Variants in RIPOR3 observed in about 807,000 individuals in gnomAD.
RIPOR3 encodes family with sequence similarity 65 member C.
Under a neutral mutation model 114.3 loss-of-function variants are expected in RIPOR3, and 95 were observed. The ratio of observed to expected loss-of-function variants is 0.83; its 90% CI spans 0.70 to 0.99. The LOEUF is 0.99. RIPOR3 is among the 50% of genes least tolerant of loss of function. The probability of loss-of-function intolerance (pLI) is 0.00; values close to 1 mark genes in which losing one functional copy is unlikely to be tolerated. For missense variants in RIPOR3, 1,252 were observed against 1,266.9 expected, an observed-to-expected ratio of 0.99 and a Z score of 0.18; for synonymous variants, 575 against 543.8, an observed-to-expected ratio of 1.06 and a Z score of -0.80.
chr20:50,660,881 C>G (rs571356835), intron 1 of RIPOR3, among the ~76,000 whole-genome samples: 3 of 151,320 alleles, frequency 2.0e-5, no homozygotes, highest in Admixed American at 6.6e-5. Flanking sequence ...CAGCACCCCC[C>G]ACCTATGCCC....
At position 50,602,387 on chromosome 20, in the gene RIPOR3, C is replaced by T; in HGVS notation, c.1344G>A (p.Glu448=). The T allele has an allele frequency of 6.2e-7, 1 of 1,612,294 alleles. No individual in the cohort carries two copies. Among genetic ancestry groups the T allele is most frequent in the Non-Finnish European group, 8.5e-7 (1 of 1,179,344 alleles). ...PHASIEEEAR[E]DPLPPGLLPE... ...GCAGGAGACCTGGGGGCAGGGGGTCCTCCCGAGCCTCCTCTTCAATGGAGG... is the reference window on the plus strand; with the variant it reads ...GCAGGAGACCTGGGGGCAGGGGGTCTTCCCGAGCCTCCTCTTCAATGGAGG... The change falls in exon 13 of 22, where the codon GAG becomes GAA. Residue 448 remains glutamate (E), a synonymous_variant. Coordinates refer to ENST00000327979, the MANE Select transcript of RIPOR3 (RefSeq NM_001290268.2). The surrounding 1 kb of genome is among the most constrained non-coding windows in gnomAD (Gnocchi z 4.3).
At chr20:50,679,601 CAA>C (rs35946931) in intron 1 of RIPOR3, among the ~76,000 whole-genome samples, 2 of 120,600 alleles carry the variant, frequency 1.7e-5, no homozygotes. Flanking sequence ...ACTAAAAATA[CAA>C]AAAAAAAAAA....
At chr20:50,599,115 G>A (rs1178932435) in intron 13 of RIPOR3, among the ~76,000 whole-genome samples, 1 of 152,038 alleles carries the variant, frequency 6.6e-6, no homozygotes, top group African/African-American at 2.4e-5. Context: ...TTGTTGGCTG[G>A]GTGTGGTGGC....
At chr20:50,637,501 AG>A (rs2085029718) in intron 1 of RIPOR3, among the ~76,000 whole-genome samples, 1 of 152,084 alleles carries the variant, frequency 6.6e-6, no homozygotes. Context: ...CTTATTCATC[AG>A]TTAATCAAGT....
intron 2 of RIPOR3, chr20:50,620,636 TAAATAAATAAATAAATAAATA>T (rs2084365158): frequency 1.5e-4 from 1 of 6,644 alleles, no homozygotes. Context: ...TAAAAATAAA[TAAATAAATAAATAAATAAATA>T]AATAAATAAA....
chr20:50,609,811 C>A, intron 6 of RIPOR3, 89 bp from the exon 7 acceptor site: 1 of 1,331,396 alleles, frequency 7.5e-7, no homozygotes, highest in East Asian at 3.0e-5. Context: ...GGGAGAGGCC[C>A]TCCCTGAGCT....
At chr20:50,600,970 A>C (rs1405902573) in intron 13 of RIPOR3, among the ~76,000 whole-genome samples, 1 of 152,220 alleles carries the variant, frequency 6.6e-6, no homozygotes, top group African/African-American at 2.4e-5. Context: ...ATGTGTTTGA[A>C]GAGAGCTGTT....
chr20:50,606,365 A>T (rs182032897), intron 11 of RIPOR3, among the ~76,000 whole-genome samples: 13 of 152,330 alleles, frequency 8.5e-5, no homozygotes, highest in African/African-American at 3.1e-4. Flanking sequence ...GTCTGAAGGG[A>T]CAGGGAATCT....
In RIPOR3 at chr20:50,604,628, C is replaced by G; in HGVS notation, c.1086+17G>C. The stretch of plus-strand genomic sequence containing the variant: ...CAGGGTGACCACAGCGGCCCTGCCC[C>G]GGGAAGGCTCACTCACCAGGTAGTA... On this transcript the variant is annotated intron_variant, in intron 12 of 21. Transcript: ENST00000327979. 6.3e-7 allele frequency: 1 copy of G among 1,599,924 alleles called. No individual in the cohort carries two copies. Among genetic ancestry groups the G allele is most frequent in the Non-Finnish European group, 8.5e-7 (1 of 1,174,036 alleles).
At position 50,593,212 on chromosome 20, in the gene RIPOR3, A is replaced by C. The variant is rs759544178; in HGVS notation, c.2213-16T>G. On this transcript the variant is annotated splice_polypyrimidine_tract_variant and intron_variant, in intron 17 of 21. Transcript: ENST00000327979. ...CTGCGGCACGCTGGCCAAAGGGGAG[A>C]GTACATCAGGAGAAACTGAGACCTC... The C allele has an allele frequency of 5.0e-6, 8 of 1,608,590 alleles. No homozygotes were observed. In the Admixed American group the frequency reaches 1.0e-4, roughly 20 times the overall value.
At chr20:50,592,294 A>G in intron 19 of RIPOR3, 50 bp downstream of exon 19, 1 of 1,475,292 alleles carries the variant, frequency 6.8e-7, no homozygotes. Flanking sequence ...CAGCTTACCT[A>G]TGCCCACACA....
chr20:50,639,582 A>T (rs1002931946), intron 1 of RIPOR3, among the ~76,000 whole-genome samples: 2 of 152,178 alleles, frequency 1.3e-5, no homozygotes, highest in African/African-American at 4.8e-5. Flanking sequence ...ACGCCTGCAT[A>T]AAAATCCAGG....
At chr20:50,667,349 A>C (rs2086286925) in intron 1 of RIPOR3, among the ~76,000 whole-genome samples, 1 of 133,620 alleles carries the variant, frequency 7.5e-6, no homozygotes, top group Non-Finnish European at 1.5e-5. Flanking sequence ...GCTGGAGTGC[A>C]ATGGCACGAT....
At chr20:50,615,370 A>T (rs952915232) in intron 4 of RIPOR3, among the ~76,000 whole-genome samples, 4 of 150,924 alleles carry the variant, frequency 2.7e-5, no homozygotes, top group Admixed American at 6.6e-5. Context: ...CAAAAAATTT[A>T]AAAAATTAGC....
chr20:50,666,181 C>CCTTGTCTTGTCTTGTCTTTTCTTTT (rs1600720832), intron 1 of RIPOR3, among the ~76,000 whole-genome samples: 1 of 14,964 alleles, frequency 6.7e-5, no homozygotes, highest in Non-Finnish European at 4.5e-4. Context: ...GAAAGGACAC[C>CCTTGTCTTGTCTTGTCTTTTCTTTT]CATTTCTTTT....
intron 16 of RIPOR3, 94 bp from the exon 17 acceptor site, chr20:50,594,808 A>G (rs1307196668): frequency 2.1e-6 from 3 of 1,409,490 alleles, no homozygotes; most frequent in African/African-American, 2.8e-5. Context: ...CTGAGGGGGT[A>G]GGGAGGAGGG....
chr20:50,593,485 C>T (rs926999419), intron 17 of RIPOR3, among the ~76,000 whole-genome samples: 3 of 152,044 alleles, frequency 2.0e-5, no homozygotes, highest in African/African-American at 2.4e-5. Context: ...GCAGGAGAAT[C>T]GCTTGAACCC....
intron 11 of RIPOR3, among the ~76,000 whole-genome samples, chr20:50,607,208 G>A (rs905271424): frequency 2.2e-4 from 33 of 152,290 alleles, no homozygotes; most frequent in Non-Finnish European, 4.3e-4. Flanking sequence ...GAGAAGCTCA[G>A]CCGATGAGCA....
At chr20:50,609,226 G>A (rs574182028) in intron 8 of RIPOR3, 67 bp downstream of exon 8, 19 of 1,562,920 alleles carry the variant, frequency 1.2e-5, no homozygotes, top group African/African-American at 1.1e-4. Context: ...GCCAATTCCC[G>A]TGCCCCTCAG....
Sources: allele counts gnomAD v4.1 joint callset (sites outside exome capture counted in the v4.1 genomes callset), GRCh38; gene constraint gnomAD v4.1.1; non-coding constraint Gnocchi (gnomAD v3.1); transcripts MANE v1.5; gene names NCBI Gene and HGNC (gene_info 2026-07-23, HGNC 2026-07-21).